Variants in CDH8 observed in about 807,000 individuals in gnomAD.
CDH8 encodes the protein cadherin 8.
A neutral mutation model predicts 68.1 loss-of-function variants in CDH8; 17 were observed. The ratio of observed to expected loss-of-function variants is 0.25; its 90% CI spans 0.17 to 0.37. The LOEUF (loss-of-function observed/expected upper bound fraction) is 0.37. Ranked by LOEUF, CDH8 falls within the 10% of genes least tolerant of loss-of-function variation. The pLI is 1.00. For synonymous variants in CDH8, 372 were observed against 365.1 expected (o/e 1.02, Z -0.21); for missense variants, 763 against 999.3 (o/e 0.76, Z 3.19).
chr16:61,818,379 G>A (rs1006557413), intron 6 of CDH8, among the ~76,000 whole-genome samples: 34 of 152,114 alleles, frequency 2.2e-4, no homozygotes, highest in African/African-American at 6.5e-4. Context: ...AGGTGGGCAT[G>A]TAAAGAAATA....
At chr16:61,832,375 G>A (rs146089651) in intron 4 of CDH8, among the ~76,000 whole-genome samples, 2 of 147,212 alleles carry the variant, frequency 1.4e-5, no homozygotes, top group Non-Finnish European at 3.0e-5. Context: ...TAGATAGATA[G>A]ATAGATACAT....
At chr16:62,030,769 T>C (rs1902305992) in intron 1 of CDH8, among the ~76,000 whole-genome samples, 1 of 152,156 alleles carries the variant, frequency 6.6e-6, no homozygotes. Context: ...TCCTTTGTAA[T>C]ATCTTCAACA....
intron 1 of CDH8, among the ~76,000 whole-genome samples, chr16:62,028,134 G>A (rs577214220): frequency 5.0e-4 from 72 of 144,104 alleles, no homozygotes; most frequent in African/African-American, 1.7e-3. Context: ...GCACGATCTC[G>A]GCTCACTGCA....
intron 9 of CDH8, among the ~76,000 whole-genome samples, chr16:61,720,127 G>A (rs1959206219): frequency 6.6e-6 from 1 of 150,866 alleles, no homozygotes; most frequent in Non-Finnish European, 1.5e-5. Flanking sequence ...TTAAAAGATT[G>A]GAAGACTTTC....
intron 10 of CDH8, among the ~76,000 whole-genome samples, chr16:61,704,969 A>G (rs1964501808): frequency 6.6e-6 from 1 of 152,208 alleles, no homozygotes; most frequent in Non-Finnish European, 1.5e-5. Context: ...CCAGTACAGT[A>G]TCACCTTCTT....
At chr16:61,667,244 A>G (rs1349525521) in intron 10 of CDH8, 1 of 151,914 alleles carries the variant, frequency 6.6e-6, no homozygotes, top group African/African-American at 2.4e-5. Flanking sequence ...CAAATATTAT[A>G]ATATTTAGTA....
chr16:61,800,397 C>T (rs1961594537), intron 7 of CDH8, among the ~76,000 whole-genome samples: 1 of 152,172 alleles, frequency 6.6e-6, no homozygotes. Flanking sequence ...TCCTCTTTTG[C>T]CATTAAACAG....
chr16:61,912,951 C>T (rs1369427553), intron 2 of CDH8, among the ~76,000 whole-genome samples: 1 of 152,052 alleles, frequency 6.6e-6, no homozygotes, highest in Non-Finnish European at 1.5e-5. Context: ...TTTTAAAACA[C>T]AGCAATAAAA....
chr16:61,920,504 T>C (rs1455993681), intron 2 of CDH8, among the ~76,000 whole-genome samples: 42 of 134,210 alleles, frequency 3.1e-4, no homozygotes, highest in Non-Finnish European at 3.3e-4. Context: ...CATGAAAAAA[T>C]GCTCATCATC....
intron 8 of CDH8, among the ~76,000 whole-genome samples, chr16:61,736,030 G>A (rs1472681258): frequency 6.6e-6 from 1 of 151,394 alleles, no homozygotes; most frequent in Non-Finnish European, 1.5e-5. Context: ...CCGAGATCAT[G>A]CCACTGCACT....
At position 61,648,546 on chromosome 16, in the gene CDH8, GT is replaced by G. The variant is rs1419785420; in HGVS notation, c.*5061del. 2.0e-5 allele frequency: 3 copies of G among 151,782 alleles called. No individual in the cohort carries two copies. Among genetic ancestry groups the G allele is most frequent in the Non-Finnish European group, 4.4e-5 (3 of 67,872 alleles). The allele number at this position is 151,782 out of a possible 1,614,324, so 9.4% of individuals were successfully genotyped here. ...TACAGAGATAACTGTTTAGTTGAAA[GT>G]TAAGGGGATTTAGTGTCAGATCAAC... On this transcript the variant is annotated 3_prime_UTR_variant, in exon 12 of 12. Transcript: ENST00000577390.
chr16:61,982,383 C>G (rs1965549670), intron 2 of CDH8, among the ~76,000 whole-genome samples: 1 of 152,104 alleles, frequency 6.6e-6, no homozygotes. Flanking sequence ...CCTCGCCCGG[C>G]TAATTTTTTG....
intron 10 of CDH8, among the ~76,000 whole-genome samples, chr16:61,688,699 G>T (rs1402180445): frequency 4.6e-5 from 7 of 151,898 alleles, no homozygotes; most frequent in Non-Finnish European, 1.0e-4. Context: ...CCTCAGGCAA[G>T]GGATGTCGTC....
intron 3 of CDH8, among the ~76,000 whole-genome samples, chr16:61,861,047 T>C (rs1757897862): frequency 6.6e-6 from 1 of 152,188 alleles, no homozygotes; most frequent in South Asian, 2.1e-4. Context: ...AAATAATATA[T>C]GTAGGTACCT....
intron 10 of CDH8, among the ~76,000 whole-genome samples, chr16:61,694,738 C>G (rs1424572056): frequency 1.3e-5 from 2 of 151,898 alleles, no homozygotes; most frequent in Non-Finnish European, 2.9e-5. Context: ...GCTTAATAAA[C>G]AAACATCTCT....
intron 2 of CDH8, among the ~76,000 whole-genome samples, chr16:61,919,195 TA>T: frequency 6.9e-6 from 1 of 144,918 alleles, no homozygotes; most frequent in Admixed American, 7.1e-5. Flanking sequence ...CAAAAGTAGA[TA>T]AAACCACAAA....
chr16:61,776,404 C>A (rs1369847094), intron 8 of CDH8, among the ~76,000 whole-genome samples: 3 of 151,428 alleles, frequency 2.0e-5, no homozygotes, highest in Non-Finnish European at 4.4e-5. Flanking sequence ...AACTAATAAC[C>A]TCTATTGTTA....
intron 9 of CDH8, among the ~76,000 whole-genome samples, chr16:61,716,694 G>A (rs80047514): frequency 0.032 from 4,838 of 151,716 alleles, 356 homozygotes; most frequent in East Asian, 0.24. Context: ...CTGAACTGGT[G>A]AATTATTACA....
chr16:61,753,860 A>C (rs1960238739), intron 8 of CDH8, among the ~76,000 whole-genome samples: 1 of 152,156 alleles, frequency 6.6e-6, no homozygotes, highest in Admixed American at 6.6e-5. Context: ...AATAATAATA[A>C]GTAATAAGGA....
Sources: gnomAD v4.1 joint callset for allele counts (sites outside exome capture counted in the v4.1 genomes callset) on GRCh38, gnomAD v4.1.1 for gene constraint, MANE v1.5 for transcripts, NCBI Gene and HGNC (gene_info 2026-07-23, HGNC 2026-07-21) for gene names.